SAMD8: variants seen among roughly 807,000 people sequenced by gnomAD.
SAMD8 encodes the protein sphingomyelin synthase-related protein 1.
SAMD8 carries 20 observed loss-of-function variants against 42.0 expected under a neutral mutation model. The ratio of observed to expected loss-of-function variants is 0.48; its 90% CI spans 0.34 to 0.69. SAMD8 has a LOEUF of 0.69. Among genes scored for constraint, SAMD8 ranks in the 30% least tolerant of loss-of-function variants. SAMD8 has a pLI of 0.01. For synonymous variants in SAMD8, 162 were observed against 173.0 expected, an observed-to-expected ratio of 0.94 and a Z score of 0.50; for missense variants, 328 against 511.6, an observed-to-expected ratio of 0.64 and a Z score of 3.46.
rs1352846457 is a variant in SAMD8 at position 75,181,159 on chromosome 10, G to A, written c.*4467G>A. On this transcript the variant is annotated 3_prime_UTR_variant, in exon 6 of 6. Transcript: ENST00000542569. ...TCCAATTGCTTTCTTAAACAGTACTGGTTTCATTTAGACAGTTTCTAAGCC... is the reference window on the plus strand; with the variant it reads ...TCCAATTGCTTTCTTAAACAGTACTAGTTTCATTTAGACAGTTTCTAAGCC... 6.6e-6 allele frequency: 1 copy of A among 152,146 alleles called. No individual in the cohort carries two copies. Among genetic ancestry groups the A allele is most frequent in the Non-Finnish European group, 1.5e-5 (1 of 68,014 alleles). 9.4% of individuals were successfully genotyped at this position (152,146 alleles called of 1,614,324 possible). A position where few individuals can be genotyped will look rare whatever the true frequency, so the allele number is the denominator to read the frequency against.
chr10:75,105,960 C>T, intron 1 of SAMD8: 1 of 1,176,274 alleles, frequency 8.5e-7, no homozygotes. Flanking sequence ...CTGACCCTGC[C>T]TTGGGTGCAC....
upstream of SAMD8, chr10:75,108,066 A>T (rs769654758): frequency 5.0e-6 from 8 of 1,613,908 alleles, no homozygotes; most frequent in Non-Finnish European, 6.8e-6. Context: ...AAAATCAGGG[A>T]GGTCGTGGGC....
intron 2 of SAMD8, among the ~76,000 whole-genome samples, chr10:75,152,802 G>T (rs1274909809): frequency 6.6e-6 from 1 of 151,892 alleles, no homozygotes; most frequent in Non-Finnish European, 1.5e-5. Flanking sequence ...ACAGGTTGAG[G>T]TTACAGTGAG....
At chr10:75,140,430 C>G (rs531665922) in intron 1 of SAMD8, among the ~76,000 whole-genome samples, 3 of 152,336 alleles carry the variant, frequency 2.0e-5, no homozygotes, top group Non-Finnish European at 2.9e-5. Flanking sequence ...AAAATGACTC[C>G]TAATGACCTA....
At chr10:75,156,723 G>C (rs1840418301) in intron 2 of SAMD8, among the ~76,000 whole-genome samples, 1 of 152,032 alleles carries the variant, frequency 6.6e-6, no homozygotes, top group African/African-American at 2.4e-5. Flanking sequence ...CAAGACAGCT[G>C]ACATGGACTC....
At chr10:75,121,083 G>A (rs187813472) in intron 1 of SAMD8, among the ~76,000 whole-genome samples, 15 of 152,102 alleles carry the variant, frequency 9.9e-5, no homozygotes, top group Admixed American at 3.9e-4. Flanking sequence ...GGACTTTTGA[G>A]CAGTTTCTGT....
intron 4 of SAMD8, among the ~76,000 whole-genome samples, chr10:75,174,109 TTTG>T (rs1281187181): frequency 1.2e-4 from 19 of 152,222 alleles, no homozygotes; most frequent in African/African-American, 2.4e-4. Context: ...GTGTGTGGTT[TTTG>T]TTGTTGTTGT....
intron 1 of SAMD8, among the ~76,000 whole-genome samples, chr10:75,134,118 G>T (rs994438196): frequency 6.6e-6 from 1 of 152,134 alleles, no homozygotes; most frequent in African/African-American, 2.4e-5. Context: ...ATGGCATTTA[G>T]TGGGAGCTGA....
At chr10:75,174,302 T>G (rs1190604588) in intron 4 of SAMD8, among the ~76,000 whole-genome samples, 1 of 152,040 alleles carries the variant, frequency 6.6e-6, no homozygotes, top group Non-Finnish European at 1.5e-5. Context: ...GCTAATTTTT[T>G]GTATATTTAG....
chr10:75,157,987 G>A lies in SAMD8; in HGVS notation c.579-6658G>A, dbSNP rs533302219. Among the ~76,000 whole-genome samples the A allele has an allele frequency of 2.0e-4, 30 of 151,042 alleles. 1 individual carries two copies. In the South Asian group the frequency reaches 4.8e-3, roughly 24 times the overall value. On this transcript the variant is annotated intron_variant, in intron 2 of 5. Coordinates refer to ENST00000542569, the MANE Select transcript of SAMD8 (RefSeq NM_001174156.2). ...CCAGCCTGACCAACATGGAGAAACC[G>A]CATCTCTACTAAAAATTCAAAATTA...
chr10:75,172,608 C>T (rs1840895962), intron 4 of SAMD8, among the ~76,000 whole-genome samples: 3 of 151,948 alleles, frequency 2.0e-5, no homozygotes, highest in Admixed American at 2.0e-4. Context: ...AGGGATTCTC[C>T]TGTCTCAGCC....
chr10:75,159,358 G>A (rs1044707104), intron 2 of SAMD8, among the ~76,000 whole-genome samples: 9 of 151,780 alleles, frequency 5.9e-5, no homozygotes, highest in African/African-American at 9.7e-5. Context: ...CACACCCAGC[G>A]GGACATGTAT....
At chr10:75,127,813 C>G (rs569405127) in intron 1 of SAMD8, among the ~76,000 whole-genome samples, 1 of 152,150 alleles carries the variant, frequency 6.6e-6, no homozygotes, top group African/African-American at 2.4e-5. Context: ...CATTTTAACT[C>G]AGAAAGGATT....
chr10:75,165,708 G>T (rs1056680301), intron 3 of SAMD8, among the ~76,000 whole-genome samples: 47 of 151,652 alleles, frequency 3.1e-4, no homozygotes, highest in African/African-American at 1.1e-3. Flanking sequence ...AGGCACAGTG[G>T]CACATGCCTG....
chr10:75,135,431 CA>C lies in SAMD8; in HGVS notation c.-15-15081del, dbSNP rs1024949289. Among the ~76,000 whole-genome samples, 5 of 139,238 alleles carry C rather than the reference CA, an allele frequency of 3.6e-5. No individual in the cohort carries two copies. The Admixed American group carries it at 3.7e-4, about 10-fold the overall frequency. 91.3% of individuals were successfully genotyped at this position (139,238 alleles called of 152,430 possible). ...TCGTGTCACTGCACTCCAGCCTGGG[CA>C]ACAAGAGCGAAATTCCATCTCAAAA... On this transcript the variant is annotated intron_variant, in intron 1 of 5. Transcript: ENST00000542569.
At chr10:75,109,071 C>A, upstream of SAMD8, 1 of 1,612,498 alleles carries the variant, frequency 6.2e-7, no homozygotes, top group South Asian at 1.1e-5. Flanking sequence ...ACTTCCCTGC[C>A]CGCAGGAGCT....
intron 1 of SAMD8, among the ~76,000 whole-genome samples, chr10:75,122,714 G>A (rs1022926177): frequency 2.0e-5 from 3 of 152,026 alleles, no homozygotes; most frequent in South Asian, 4.2e-4. Context: ...TGCTTGAGCC[G>A]TGGAGTTTAG....
intron 1 of SAMD8, among the ~76,000 whole-genome samples, chr10:75,113,629 A>G (rs1848819149): frequency 6.6e-6 from 1 of 152,216 alleles, no homozygotes; most frequent in Non-Finnish European, 1.5e-5. Flanking sequence ...GTTTATGTGT[A>G]TGGGCTATGT....
rs376255563 is a variant in SAMD8 at position 75,128,019 on chromosome 10, C to T, written c.-16+16297C>T. ...CCCTGTATTATTTTGAACCTTAAAA[C>T]TGTTTTAACAGCCCTCTAAAATTAA... On this transcript the variant is annotated intron_variant, in intron 1 of 5. Transcript: ENST00000542569. Among the ~76,000 whole-genome samples, 3 of 150,650 alleles carry T rather than the reference C, an allele frequency of 2.0e-5. No individual in the cohort carries two copies. The South Asian group carries it at 6.3e-4, about 32-fold the overall frequency.
Sources: allele counts gnomAD v4.1 joint callset (sites outside exome capture counted in the v4.1 genomes callset), GRCh38; gene constraint gnomAD v4.1.1; transcripts MANE v1.5; gene names NCBI Gene and HGNC (gene_info 2026-07-23, HGNC 2026-07-21).